Variants in GPC6 observed in about 807,000 individuals in gnomAD.
GPC6 encodes the protein glypican-6.
GPC6 carries 14 observed loss-of-function variants against 55.2 expected under a neutral mutation model. The observed-to-expected ratio is 0.25, with a 90% CI of 0.17 to 0.40. The LOEUF is 0.40. GPC6 is among the 10% of genes least tolerant of loss of function. The probability of loss-of-function intolerance (pLI) is 1.00; values close to 1 mark genes in which losing one functional copy is unlikely to be tolerated. For missense variants in GPC6, 641 were observed against 708.5 expected (o/e 0.90, Z 1.08); for synonymous variants, 278 against 259.6 (o/e 1.07, Z -0.68).
intron 3 of GPC6, among the ~76,000 whole-genome samples, chr13:94,019,872 T>C (rs1461190847): frequency 1.3e-5 from 2 of 152,172 alleles, no homozygotes; most frequent in Non-Finnish European, 2.9e-5. Context: ...ATGTTCCTTC[T>C]TTCACTTCTG....
intron 2 of GPC6, among the ~76,000 whole-genome samples, chr13:93,742,133 A>G (rs966120177): frequency 6.6e-6 from 1 of 152,220 alleles, no homozygotes; most frequent in Non-Finnish European, 1.5e-5. Context: ...ACATAAATAA[A>G]TACTTTGTGG....
chr13:94,071,488 G>T (rs1884734089), intron 4 of GPC6, among the ~76,000 whole-genome samples: 1 of 152,094 alleles, frequency 6.6e-6, no homozygotes, highest in Admixed American at 6.5e-5. Flanking sequence ...TTTGAAGTTT[G>T]CCTGGCTTAA....
At chr13:94,058,812 C>T (rs781038290) in intron 4 of GPC6, among the ~76,000 whole-genome samples, 24 of 152,120 alleles carry the variant, frequency 1.6e-4, no homozygotes, top group Non-Finnish European at 3.4e-4. Flanking sequence ...GTAGGTGAAG[C>T]CACACATCCA....
intron 1 of GPC6, among the ~76,000 whole-genome samples, chr13:93,337,281 ACT>A (rs1880079650): frequency 6.6e-6 from 1 of 152,148 alleles, no homozygotes; most frequent in Non-Finnish European, 1.5e-5. Context: ...AAGAATGATA[ACT>A]CTATGAAGGT....
intron 3 of GPC6, among the ~76,000 whole-genome samples, chr13:93,913,514 T>G (rs935299259): frequency 2.0e-5 from 3 of 152,228 alleles, no homozygotes; most frequent in Admixed American, 1.3e-4. Context: ...TTTTCTATAA[T>G]GTTTTTGGAA....
intron 4 of GPC6, among the ~76,000 whole-genome samples, chr13:94,046,140 G>A (rs1883725186): frequency 6.6e-6 from 1 of 151,988 alleles, no homozygotes; most frequent in Non-Finnish European, 1.5e-5. Flanking sequence ...AACAGAGACT[G>A]GAGTAACTGA....
intron 6 of GPC6, among the ~76,000 whole-genome samples, chr13:94,355,350 T>A (rs1778688399): frequency 6.6e-6 from 1 of 152,046 alleles, no homozygotes. Flanking sequence ...TCGGCCATCG[T>A]CCTCCAGGGT....
chr13:93,447,589 C>G (rs1404049468), intron 1 of GPC6, among the ~76,000 whole-genome samples: 1 of 152,148 alleles, frequency 6.6e-6, no homozygotes, highest in Non-Finnish European at 1.5e-5. Context: ...CCCAAATGAG[C>G]ATTTCTATTA....
chr13:94,052,381 G>A (rs1883980690), intron 4 of GPC6, among the ~76,000 whole-genome samples: 1 of 152,176 alleles, frequency 6.6e-6, no homozygotes, highest in South Asian at 2.1e-4. Context: ...TGGGTTGGCA[G>A]GGAAGGAAAA....
rs1879619506 is a variant in GPC6, at chr13:93,325,403, C to T, written c.160+97787C>T. Among the ~76,000 whole-genome samples, 6 of 152,050 alleles carry T rather than the reference C, an allele frequency of 3.9e-5. No individual in the cohort carries two copies. In the South Asian group the frequency reaches 1.2e-3, roughly 32 times the overall value. ...TACAGACAATAAGGATTTAATTTAT[C>T]CCACCTTGGTTAGGAATTCAGATGG... On this transcript the variant is annotated intron_variant, in intron 1 of 8. Coordinates refer to ENST00000377047, the MANE Select transcript of GPC6 (RefSeq NM_005708.5).
intron 1 of GPC6, among the ~76,000 whole-genome samples, chr13:93,520,133 C>A (rs760628206): frequency 4.0e-4 from 61 of 151,938 alleles, no homozygotes; most frequent in Non-Finnish European, 7.8e-4. Flanking sequence ...TTTTCAAGAA[C>A]CTTAAAAAGC....
At chr13:93,333,531 A>ATTT (rs35057548) in intron 1 of GPC6, among the ~76,000 whole-genome samples, 3,043 of 130,552 alleles carry the variant, frequency 0.023, 46 homozygotes, top group Non-Finnish European at 0.027. Flanking sequence ...ATGCTATTGA[A>ATTT]TTTTTTTTTT....
chr13:93,798,484 A>G (rs1244927947), intron 2 of GPC6, among the ~76,000 whole-genome samples: 1 of 152,174 alleles, frequency 6.6e-6, no homozygotes, highest in African/African-American at 2.4e-5. Context: ...TGCAGTGCCA[A>G]ATAATTATAG....
chr13:93,584,527 T>G (rs1425139963), intron 2 of GPC6, among the ~76,000 whole-genome samples: 4 of 152,132 alleles, frequency 2.6e-5, no homozygotes, highest in African/African-American at 9.7e-5. Context: ...CAGTGGTAAT[T>G]TCTAATATGA....
chr13:93,420,809 G>A (rs1209422268), intron 1 of GPC6, among the ~76,000 whole-genome samples: 5 of 152,058 alleles, frequency 3.3e-5, no homozygotes, highest in Non-Finnish European at 7.4e-5. Context: ...GGGATACCAT[G>A]GTTATTAAGG....
At chr13:94,137,247 G>A (rs1211035375) in intron 4 of GPC6, among the ~76,000 whole-genome samples, 1 of 152,166 alleles carries the variant, frequency 6.6e-6, no homozygotes, top group Non-Finnish European at 1.5e-5. Context: ...CTTGGCTAGA[G>A]AAATACATTC....
At chr13:93,567,143 G>T (rs769651695) in intron 2 of GPC6, among the ~76,000 whole-genome samples, 2 of 152,100 alleles carry the variant, frequency 1.3e-5, no homozygotes, top group Non-Finnish European at 2.9e-5. Context: ...TTGCCACGCT[G>T]TCTTCCACAA....
intron 4 of GPC6, among the ~76,000 whole-genome samples, chr13:94,080,974 A>T (rs1269439927): frequency 1.3e-5 from 2 of 152,156 alleles, no homozygotes; most frequent in Non-Finnish European, 2.9e-5. Flanking sequence ...TCTTCTGATG[A>T]ACCTCATTGA....
At chr13:94,322,541 C>A (rs9524433) in intron 6 of GPC6, among the ~76,000 whole-genome samples, 1 of 151,836 alleles carries the variant, frequency 6.6e-6, no homozygotes, top group Non-Finnish European at 1.5e-5. Context: ...CTCCAGACTG[C>A]GGTGATTACT....
Sources: allele counts gnomAD v4.1 joint callset (sites outside exome capture counted in the v4.1 genomes callset), GRCh38; gene constraint gnomAD v4.1.1; transcripts MANE v1.5; gene names NCBI Gene and HGNC (gene_info 2026-07-23, HGNC 2026-07-21).